The following THSD7B variants were observed in gnomAD, a reference collection of about 807,000 sequenced individuals.
THSD7B encodes thrombospondin type 1 domain containing 7B.
THSD7B carries 138 observed loss-of-function variants against 213.6 expected under a neutral mutation model. The observed-to-expected ratio is 0.65, with a 90% CI of 0.56 to 0.74. The LOEUF is 0.74. THSD7B is among the 30% of genes least tolerant of loss of function. The pLI is 0.00. For synonymous variants in THSD7B, 742 were observed against 687.0 expected, an observed-to-expected ratio of 1.08 and a Z score of -1.25; for missense variants, 1,931 against 1,991.5, an observed-to-expected ratio of 0.97 and a Z score of 0.58.
At chr2:137,621,999 C>A (rs938488546) in intron 20 of THSD7B, among the ~76,000 whole-genome samples, 1 of 152,066 alleles carries the variant, frequency 6.6e-6, no homozygotes, top group African/African-American at 2.4e-5. Flanking sequence ...TGCTGTGTTG[C>A]AGGAATGAAT....
At chr2:137,303,484 TTAATAAACAGAA>T (rs1291598809) in intron 12 of THSD7B, among the ~76,000 whole-genome samples, 1 of 151,408 alleles carries the variant, frequency 6.6e-6, no homozygotes, top group Non-Finnish European at 1.5e-5. Context: ...TTATTTTATT[TTAATAAACAGAA>T]TTAATGTGGT....
Position 137,620,688 on chromosome 2 carries a change from C to T in THSD7B, c.3761C>T (p.Thr1254Met), listed in dbSNP as rs753240436. Residue 1254 changes from threonine (T) to methionine (M), a missense_variant, in exon 20 of 28, where the codon ACG (threonine) becomes ATG (methionine). Physicochemically the swap from Thr to Met is moderately conservative, Grantham distance 81. Coordinates refer to ENST00000409968, the MANE Select transcript of THSD7B (RefSeq NM_001316349.2). ...GTCAACTGTCAGCTCTCAGGGTGGA[C>T]GGCTTGGACAGAGTGTTCACAGACC... ...CVVNCQLSGW[T>M]AWTECSQTCG... 1.3e-5 allele frequency: 21 copies of T among 1,613,748 alleles called. 1 individual carries two copies. Among genetic ancestry groups the T allele is most frequent in the East Asian group, 6.7e-5 (3 of 44,882 alleles).
chr2:137,602,426 C>T lies in THSD7B; in HGVS notation c.3424-13749C>T, dbSNP rs145121946. Among the ~76,000 whole-genome samples, 356 of 152,090 alleles carry T rather than the reference C, an allele frequency of 2.3e-3. 3 individuals are homozygous for T. The highest frequency in any genetic ancestry group is 8.2e-3 in the African/African-American group (339 of 41,494). On this transcript the variant is annotated intron_variant, in intron 17 of 27. Coordinates refer to ENST00000409968, the MANE Select transcript of THSD7B (RefSeq NM_001316349.2). ...GTGGGACTATAGGCACGCATCACCA[C>T]GCCCAGCTAATTTTTTGTATTTTAG...
intron 10 of THSD7B, among the ~76,000 whole-genome samples, chr2:137,271,916 T>A (rs888898491): frequency 6.6e-6 from 1 of 152,114 alleles, no homozygotes; most frequent in African/African-American, 2.4e-5. Context: ...TTAATTGATG[T>A]TCCTATTAAT....
chr2:137,412,621 C>G (rs13006035), intron 14 of THSD7B, among the ~76,000 whole-genome samples: 1 of 103,804 alleles, frequency 9.6e-6, no homozygotes. Context: ...CAAAAAAAAA[C>G]AAAAAACAGT....
intron 1 of THSD7B, among the ~76,000 whole-genome samples, chr2:136,781,478 G>T (rs1350227390): frequency 6.6e-6 from 1 of 151,230 alleles, no homozygotes; most frequent in Non-Finnish European, 1.5e-5. Context: ...CACCATGTTG[G>T]CCAGGCTGGT....
intron 1 of THSD7B, among the ~76,000 whole-genome samples, chr2:136,875,381 C>T (rs1253031220): frequency 1.3e-5 from 2 of 152,192 alleles, no homozygotes; most frequent in African/African-American, 4.8e-5. Context: ...GAGATCGTGC[C>T]ACTGCACTCC....
chr2:137,309,948 A>G (rs1683853454), intron 12 of THSD7B, among the ~76,000 whole-genome samples: 1 of 151,964 alleles, frequency 6.6e-6, no homozygotes, highest in Admixed American at 6.6e-5. Flanking sequence ...GCTATTGTGA[A>G]TAATGCTGCA....
chr2:137,116,799 G>A (rs916724262), intron 5 of THSD7B, among the ~76,000 whole-genome samples: 1 of 152,134 alleles, frequency 6.6e-6, no homozygotes, highest in African/African-American at 2.4e-5. Flanking sequence ...ACATAGTGTG[G>A]GGGTACGGGT....
intron 12 of THSD7B, among the ~76,000 whole-genome samples, chr2:137,306,126 T>G: frequency 6.6e-6 from 1 of 152,028 alleles, no homozygotes; most frequent in Non-Finnish European, 1.5e-5. Context: ...TACTAGACAC[T>G]TTTATATGAC....
chr2:137,394,853 A>T (rs1161837203), intron 12 of THSD7B, among the ~76,000 whole-genome samples: 1 of 142,736 alleles, frequency 7.0e-6, no homozygotes, highest in East Asian at 2.0e-4. Context: ...AGTGGTTTGT[A>T]GTTCTCCTTG....
intron 27 of THSD7B, among the ~76,000 whole-genome samples, 180 bp downstream of exon 27, chr2:137,668,041 A>AACATTT (rs1388053347): frequency 1.3e-5 from 2 of 152,202 alleles, no homozygotes; most frequent in East Asian, 3.8e-4. Context: ...TATTTGAGAT[A>AACATTT]ACATTTTTTA....
chr2:137,414,650 G>A (rs752057217), intron 14 of THSD7B, among the ~76,000 whole-genome samples: 8 of 152,254 alleles, frequency 5.3e-5, no homozygotes, highest in Non-Finnish European at 1.0e-4. Context: ...TTTGTGGGAG[G>A]TCAAGGCTTC....
intron 1 of THSD7B, among the ~76,000 whole-genome samples, chr2:136,833,983 A>C (rs1418223359): frequency 6.6e-6 from 1 of 152,192 alleles, no homozygotes; most frequent in Non-Finnish European, 1.5e-5. Flanking sequence ...TTTAGAGTTT[A>C]ATAGTTTAGC....
At chr2:137,652,208 TTAA>T (rs1297725414) in intron 21 of THSD7B, among the ~76,000 whole-genome samples, 2 of 152,174 alleles carry the variant, frequency 1.3e-5, no homozygotes, top group Non-Finnish European at 2.9e-5. Flanking sequence ...TTTAAATCTA[TTAA>T]TGTTTTCTTT....
At chr2:137,262,172 G>A (rs1044613153) in intron 10 of THSD7B, among the ~76,000 whole-genome samples, 3 of 152,150 alleles carry the variant, frequency 2.0e-5, no homozygotes, top group Admixed American at 2.0e-4. Context: ...CATTTATAGA[G>A]TAGGGCAACA....
chr2:137,548,215 C>T (rs560525517), intron 15 of THSD7B, among the ~76,000 whole-genome samples: 1 of 152,076 alleles, frequency 6.6e-6, no homozygotes, highest in Admixed American at 6.6e-5. Context: ...TTCCTCACAA[C>T]GATGTTGGTG....
intron 5 of THSD7B, among the ~76,000 whole-genome samples, chr2:137,150,321 T>C (rs1679792045): frequency 1.3e-5 from 2 of 151,942 alleles, no homozygotes; most frequent in South Asian, 2.1e-4. Context: ...CAGAATGATA[T>C]GGTTTGGCTG....
chr2:137,237,600 A>T (rs1681796294), intron 9 of THSD7B, among the ~76,000 whole-genome samples: 1 of 152,238 alleles, frequency 6.6e-6, no homozygotes, highest in South Asian at 2.1e-4. Context: ...ACACAGCATC[A>T]GCACCCCAAA....
Sources: gnomAD v4.1 joint callset for allele counts (sites outside exome capture counted in the v4.1 genomes callset) on GRCh38, gnomAD v4.1.1 for gene constraint, MANE v1.5 for transcripts, NCBI Gene and HGNC (gene_info 2026-07-23, HGNC 2026-07-21) for gene names.